HIBADH: variants seen among roughly 807,000 people sequenced by gnomAD.
HIBADH encodes the protein 3-hydroxyisobutyrate dehydrogenase.
Under a neutral mutation model 36.1 loss-of-function variants are expected in HIBADH, and 25 were observed. That is an observed-to-expected ratio of 0.69 (90% CI 0.50 to 0.97). The LOEUF (loss-of-function observed/expected upper bound fraction) is 0.97, where lower values mean the gene tolerates loss of function less well. HIBADH is among the 50% of genes least tolerant of loss of function. The pLI is 0.00. For synonymous variants in HIBADH, 160 were observed against 149.5 expected, an observed-to-expected ratio of 1.07 and a Z score of -0.51; for missense variants, 421 against 418.0, an observed-to-expected ratio of 1.01 and a Z score of -0.06.
chr7:27,553,264 AGAAAACATTAGTTTTCT>A lies in HIBADH; in HGVS notation c.485-10181_485-10165del, dbSNP rs1440024881. On this transcript the variant is annotated intron_variant, in intron 4 of 7. Coordinates refer to ENST00000265395, the MANE Select transcript of HIBADH (RefSeq NM_152740.4). ...AGCTGAAACCACAATACACAGCAGCAGAAAACATTAGTTTTCTGCAGAAGATCTGCAGGGAGAAGAGA... is the reference window on the plus strand; with the variant it reads ...AGCTGAAACCACAATACACAGCAGCAGCAGAAGATCTGCAGGGAGAAGAGA... Among the ~76,000 whole-genome samples the A allele has an allele frequency of 1.2e-4, 19 of 152,374 alleles. No homozygotes were observed. In the South Asian group the frequency reaches 3.1e-3, roughly 25 times the overall value.
intron 2 of HIBADH, 135 bp from the exon 3 acceptor site, chr7:27,632,580 CAAA>C (rs143191859): frequency 0.019 from 3,820 of 199,644 alleles, no homozygotes; most frequent in South Asian, 0.032. Flanking sequence ...TGCAAATGAC[CAAA>C]AAAAAAAAAA....
chr7:27,599,484 G>C (rs2110527), intron 4 of HIBADH, among the ~76,000 whole-genome samples: 114,779 of 151,562 alleles, frequency 0.76, 43,894 homozygotes, highest in East Asian at 0.94. Flanking sequence ...AGATCGAGAC[G>C]ATCCTGGCTA....
chr7:27,551,262 G>A (rs1377554269), intron 4 of HIBADH, among the ~76,000 whole-genome samples: 11 of 152,108 alleles, frequency 7.2e-5, no homozygotes, highest in Non-Finnish European at 1.2e-4. Flanking sequence ...AGTGAAAAAC[G>A]TGATTGAGTT....
chr7:27,641,489 T>C (rs369007154), intron 2 of HIBADH, among the ~76,000 whole-genome samples: 1 of 152,206 alleles, frequency 6.6e-6, no homozygotes, highest in Non-Finnish European at 1.5e-5. Context: ...CAGGGCACTA[T>C]TGTGGCAAAA....
chr7:27,538,290 A>T, intron 6 of HIBADH, 51 bp downstream of exon 6: 1 of 1,351,606 alleles, frequency 7.4e-7, no homozygotes, highest in Non-Finnish European at 1.0e-6. Context: ...CAGAAAATCA[A>T]ATAGGAAAGC....
At position 27,585,194 on chromosome 7, in the gene HIBADH, CAT is replaced by C. The variant is rs547388146; in HGVS notation, c.485-42096_485-42095del. ...ATATATGTGTGTATATATGCACACA[CAT>C]ATGTATGTATAAAAGTACGTGTGTA... is the stretch of plus-strand genomic sequence containing the variant. On this transcript the variant is annotated intron_variant, in intron 4 of 7. Transcript: ENST00000265395. 1.7e-3 allele frequency among the ~76,000 whole-genome samples: 260 copies of C among 151,788 alleles called. 1 individual carries two copies. Among genetic ancestry groups the C allele is most frequent in the Non-Finnish European group, 2.7e-3 (185 of 67,866 alleles).
chr7:27,542,887 A>G, intron 5 of HIBADH, 80 bp downstream of exon 5: 1 of 1,401,054 alleles, frequency 7.1e-7, no homozygotes, highest in East Asian at 2.3e-5. Context: ...AAAGAAGAAT[A>G]AAAATATGGT....
chr7:27,646,682 G>A (rs572392862), intron 2 of HIBADH, among the ~76,000 whole-genome samples: 187 of 125,858 alleles, frequency 1.5e-3, no homozygotes, highest in African/African-American at 5.5e-3. Context: ...ACACAACCAC[G>A]CCCAGCATTT....
chr7:27,645,685 C>A (rs1452368423), intron 2 of HIBADH, among the ~76,000 whole-genome samples: 1 of 152,010 alleles, frequency 6.6e-6, no homozygotes, highest in East Asian at 1.9e-4. Context: ...CCCGGCTGTT[C>A]TGACTATGTT....
intron 4 of HIBADH, among the ~76,000 whole-genome samples, chr7:27,618,443 C>T (rs1160793358): frequency 6.6e-6 from 1 of 152,202 alleles, no homozygotes; most frequent in Non-Finnish European, 1.5e-5. Flanking sequence ...CCACCATCAC[C>T]AGCCCACGCA....
rs902476083 is a variant in HIBADH, at chr7:27,527,450, T to G, written c.853-1078A>C. On this transcript the variant is annotated intron_variant, in intron 7 of 7. Transcript: ENST00000265395. ...CTGGGGAGGAGGGAGCTGGATGAAT[T>G]CAAGGCATATTCAAGAAGCAGAATG... is the stretch of plus-strand genomic sequence containing the variant. 2.0e-5 allele frequency among the ~76,000 whole-genome samples: 3 copies of G among 152,128 alleles called. No individual in the cohort carries two copies. In the South Asian group the frequency reaches 6.2e-4, roughly 32 times the overall value.
intron 4 of HIBADH, among the ~76,000 whole-genome samples, chr7:27,588,862 CT>C (rs551614642): frequency 9.7e-4 from 147 of 152,270 alleles, no homozygotes; most frequent in African/African-American, 3.5e-3. Flanking sequence ...CCTTAAACCC[CT>C]AAAATCCAAT....
intron 4 of HIBADH, among the ~76,000 whole-genome samples, chr7:27,581,289 G>A (rs1390348440): frequency 6.6e-6 from 1 of 152,148 alleles, no homozygotes. Context: ...CAGGGGTGGG[G>A]TCAAATTCAA....
chr7:27,659,469 C>G (rs895543557), intron 1 of HIBADH, among the ~76,000 whole-genome samples: 1 of 152,054 alleles, frequency 6.6e-6, no homozygotes, highest in Admixed American at 6.6e-5. Context: ...AATCCCAGTA[C>G]TTTGGGAGGC....
chr7:27,574,120 T>C (rs1435498006), intron 4 of HIBADH, among the ~76,000 whole-genome samples: 1 of 152,152 alleles, frequency 6.6e-6, no homozygotes, highest in Non-Finnish European at 1.5e-5. Flanking sequence ...ATGAGCTTGA[T>C]TGAAGGAGTC....
At chr7:27,550,067 C>T (rs1220673762) in intron 4 of HIBADH, among the ~76,000 whole-genome samples, 1 of 152,106 alleles carries the variant, frequency 6.6e-6, no homozygotes, top group Non-Finnish European at 1.5e-5. Context: ...GCCACCACAC[C>T]TAGCTAAATT....
intron 4 of HIBADH, among the ~76,000 whole-genome samples, chr7:27,570,399 A>G (rs773023624): frequency 3.9e-5 from 6 of 152,198 alleles, no homozygotes; most frequent in Non-Finnish European, 7.3e-5. Context: ...GTCTGCTATT[A>G]ACACAAAAGG....
At chr7:27,660,634 T>C (rs1562664707) in intron 1 of HIBADH, among the ~76,000 whole-genome samples, 1 of 151,070 alleles carries the variant, frequency 6.6e-6, no homozygotes, top group Non-Finnish European at 1.5e-5. Context: ...CAATGCACTC[T>C]AGCCTGGGCG....
At chr7:27,560,395 G>A (rs572836157) in intron 4 of HIBADH, among the ~76,000 whole-genome samples, 26 of 152,230 alleles carry the variant, frequency 1.7e-4, no homozygotes, top group Admixed American at 4.6e-4. Flanking sequence ...CTGGGATTAC[G>A]GGTGTGAGCC....
Sources: allele counts gnomAD v4.1 joint callset (sites outside exome capture counted in the v4.1 genomes callset), GRCh38; gene constraint gnomAD v4.1.1; transcripts MANE v1.5; gene names NCBI Gene and HGNC (gene_info 2026-07-23, HGNC 2026-07-21).